KCNAB1: variants seen among roughly 807,000 people sequenced by gnomAD.
KCNAB1 encodes potassium voltage-gated channel subfamily A regulatory beta subunit 1, also known as voltage-gated potassium channel subunit beta-1.
Under a neutral mutation model 64.6 loss-of-function variants are expected in KCNAB1, and 35 were observed. That is an observed-to-expected ratio of 0.54 (90% confidence interval 0.41 to 0.72). KCNAB1 has a LOEUF of 0.72. Ranked by LOEUF, KCNAB1 falls within the 30% of genes least tolerant of loss-of-function variation. The probability of loss-of-function intolerance (pLI) is 0.00; values close to 1 mark genes in which losing one functional copy is unlikely to be tolerated. For missense variants in KCNAB1, 401 were observed against 512.9 expected (o/e 0.78, Z 2.11); for synonymous variants, 177 against 183.8 (o/e 0.96, Z 0.30).
chr3:156,535,242 G>A (rs910404217), intron 13 of KCNAB1, among the ~76,000 whole-genome samples: 12 of 152,170 alleles, frequency 7.9e-5, no homozygotes, highest in African/African-American at 2.7e-4. Context: ...CTTGACTGGA[G>A]ACAAGGTCAC....
chr3:156,321,444 C>T (rs189146641), intron 1 of KCNAB1, among the ~76,000 whole-genome samples: 145 of 152,324 alleles, frequency 9.5e-4, no homozygotes, highest in African/African-American at 3.3e-3. Flanking sequence ...TGCACGAACT[C>T]AGAGTTCAAC....
intron 3 of KCNAB1, among the ~76,000 whole-genome samples, chr3:156,453,698 C>T (rs1712177525): frequency 1.3e-5 from 2 of 152,106 alleles, no homozygotes; most frequent in South Asian, 4.1e-4. Context: ...CCAAGAACTC[C>T]CCTGAGGGCA....
chr3:156,143,038 T>C, intron 1 of KCNAB1: 1 of 1,362,964 alleles, frequency 7.3e-7, no homozygotes. Context: ...ACAAAAATGA[T>C]AAGAGAGATC....
chr3:156,331,298 C>T (rs1296550747), intron 1 of KCNAB1, among the ~76,000 whole-genome samples: 1 of 152,152 alleles, frequency 6.6e-6, no homozygotes, highest in East Asian at 1.9e-4. Context: ...TCAGACACAA[C>T]TAATGAAGAG....
At chr3:156,473,732 T>A (rs1576912694) in intron 7 of KCNAB1, among the ~76,000 whole-genome samples, 1 of 152,214 alleles carries the variant, frequency 6.6e-6, no homozygotes, top group Non-Finnish European at 1.5e-5. Flanking sequence ...ATGAACCAAA[T>A]TTAAATTTAT....
intron 1 of KCNAB1, among the ~76,000 whole-genome samples, chr3:156,234,356 G>T (rs953022143): frequency 6.6e-6 from 1 of 152,058 alleles, no homozygotes; most frequent in African/African-American, 2.4e-5. Context: ...GGAGAAGAGA[G>T]AACTGCTGCA....
intron 1 of KCNAB1, chr3:156,175,925 C>T: frequency 1.1e-6 from 1 of 919,772 alleles, no homozygotes; most frequent in Non-Finnish European, 1.8e-6. Flanking sequence ...TGGAAAGCAA[C>T]TTCATTGATG....
chr3:156,250,391 A>G (rs1319605427), intron 1 of KCNAB1, among the ~76,000 whole-genome samples: 1 of 152,100 alleles, frequency 6.6e-6, no homozygotes, highest in African/African-American at 2.4e-5. Context: ...AAGGGATTTC[A>G]TTATTTTTCT....
chr3:156,490,977 G>GA (rs562248464), intron 8 of KCNAB1, among the ~76,000 whole-genome samples: 28 of 152,096 alleles, frequency 1.8e-4, no homozygotes, highest in Admixed American at 3.9e-4. Context: ...GAAGGATCCA[G>GA]AAAAAAGATT....
intron 1 of KCNAB1, among the ~76,000 whole-genome samples, chr3:156,299,470 C>T (rs1286301251): frequency 6.6e-6 from 1 of 151,596 alleles, no homozygotes; most frequent in Admixed American, 6.6e-5. Flanking sequence ...GTCTAAAGCA[C>T]AGGCTTCTCA....
intron 1 of KCNAB1, among the ~76,000 whole-genome samples, chr3:156,284,256 G>T (rs1434500212): frequency 6.6e-6 from 1 of 152,108 alleles, no homozygotes; most frequent in Non-Finnish European, 1.5e-5. Context: ...CCTGCTGGGG[G>T]GTGCCTTCCA....
rs563559066 is a variant in KCNAB1, at chr3:156,508,276, G to C, written c.659-6088G>C. Among the ~76,000 whole-genome samples, 5 of 152,004 alleles carry C rather than the reference G, an allele frequency of 3.3e-5. No homozygotes were observed. In the South Asian group the frequency reaches 1.0e-3, roughly 32 times the overall value. ...TTTATCTCTGTGGCCAGATTAATTT[G>C]AGTACATTTTATCTGATCAAAACAT... On this transcript the variant is annotated intron_variant, in intron 8 of 13. Coordinates refer to ENST00000490337, the MANE Select transcript of KCNAB1 (RefSeq NM_172160.3). The surrounding 1 kb of genome is among the most constrained non-coding windows in gnomAD (Gnocchi z 4.1).
At chr3:156,335,706 T>C (rs1230676007) in intron 1 of KCNAB1, among the ~76,000 whole-genome samples, 3 of 152,228 alleles carry the variant, frequency 2.0e-5, no homozygotes, top group Non-Finnish European at 2.9e-5. Context: ...TTTCTTTTCC[T>C]TGTCAACATT....
chr3:156,434,615 T>C (rs1348372179), intron 2 of KCNAB1, among the ~76,000 whole-genome samples: 1 of 152,208 alleles, frequency 6.6e-6, no homozygotes, highest in African/African-American at 2.4e-5. Context: ...AGTTCCTAGA[T>C]ATTTTCTGTA....
chr3:156,245,135 G>T (rs1717376498), intron 1 of KCNAB1, among the ~76,000 whole-genome samples: 1 of 152,144 alleles, frequency 6.6e-6, no homozygotes, highest in Admixed American at 6.5e-5. Context: ...GAGATTCTAT[G>T]GTTAAATAAG....
rs536149770 is a variant in KCNAB1, at chr3:156,452,927, T to C, written c.348T>C (p.Ile116=). 1.2e-6 allele frequency: 2 copies of C among 1,605,326 alleles called. No individual in the cohort carries two copies. Among genetic ancestry groups the C allele is most frequent in the Middle Eastern group, 1.7e-4 (1 of 6,032 alleles). The change falls in exon 3 of 14, where the codon ATT becomes ATC. Residue 116 remains isoleucine (I), a synonymous_variant. Coordinates refer to ENST00000490337, the MANE Select transcript of KCNAB1 (RefSeq NM_172160.3). This position sits in a 1 kb window ranked among gnomAD's most constrained non-coding sequence, Gnocchi z 4.6. The stretch of plus-strand genomic sequence containing the variant: ...CATGGGTGACATTTGGAGGTCAAAT[T>C]TCAGATGAGGTAAGTTACCTTTGGC... The part of the protein sequence containing the change: ...LGTWVTFGGQ[I]SDEVAERLMT...
At chr3:156,476,499 G>C (rs772157204) in intron 8 of KCNAB1, among the ~76,000 whole-genome samples, 1 of 150,400 alleles carries the variant, frequency 6.6e-6, no homozygotes, top group South Asian at 2.1e-4. Context: ...TGGCTGAGTA[G>C]TATTCCATCA....
intron 1 of KCNAB1, among the ~76,000 whole-genome samples, chr3:156,367,866 A>G (rs79951191): frequency 0.026 from 4,008 of 152,292 alleles, 171 homozygotes; most frequent in African/African-American, 0.09. Flanking sequence ...AAAATACACA[A>G]GACAAAAATT....
intron 1 of KCNAB1, among the ~76,000 whole-genome samples, chr3:156,177,492 T>G (rs766454006): frequency 7.0e-4 from 107 of 151,960 alleles, no homozygotes; most frequent in Non-Finnish European, 1.4e-3. Context: ...TTCTCCTGCC[T>G]CATACTCCGG....
Sources: gnomAD v4.1 joint callset for allele counts (sites outside exome capture counted in the v4.1 genomes callset) on GRCh38, gnomAD v4.1.1 for gene constraint, Gnocchi (gnomAD v3.1) non-coding constraint, MANE v1.5 for transcripts, NCBI Gene and HGNC (gene_info 2026-07-23, HGNC 2026-07-21) for gene names.